MMP16: variants seen among roughly 807,000 people sequenced by gnomAD.
The protein encoded by MMP16 is matrix metallopeptidase 16.
MMP16 carries 12 observed loss-of-function variants against 67.8 expected under a neutral mutation model. That is an observed-to-expected ratio of 0.18 (90% CI 0.11 to 0.29). The LOEUF is 0.29. MMP16 is among the 10% of genes least tolerant of loss of function. The pLI is 1.00. For missense variants in MMP16, 475 were observed against 765.7 expected (o/e 0.62, Z 4.48); for synonymous variants, 249 against 255.9 (o/e 0.97, Z 0.26).
intron 6 of MMP16, among the ~76,000 whole-genome samples, chr8:88,091,573 A>T (rs1423729781): frequency 1.3e-5 from 2 of 150,694 alleles, no homozygotes; most frequent in Non-Finnish European, 2.9e-5. Flanking sequence ...ACACACACTC[A>T]CACACACACA....
intron 8 of MMP16, among the ~76,000 whole-genome samples, chr8:88,053,092 A>C (rs1808290174): frequency 6.6e-6 from 1 of 152,190 alleles, no homozygotes; most frequent in Non-Finnish European, 1.5e-5. Flanking sequence ...GAATGAAATG[A>C]GTGCTAGGGT....
intron 6 of MMP16, among the ~76,000 whole-genome samples, chr8:88,097,625 C>CAAAAAAA (rs34488162): frequency 1.5e-5 from 1 of 67,472 alleles, no homozygotes; most frequent in African/African-American, 6.0e-5. Flanking sequence ...AACCCTGTCT[C>CAAAAAAA]AAAAAAAAAA....
chr8:88,219,434 G>A (rs1051302076), intron 1 of MMP16, among the ~76,000 whole-genome samples: 3 of 152,030 alleles, frequency 2.0e-5, no homozygotes, highest in Admixed American at 1.3e-4. Flanking sequence ...AAGTTTCAGA[G>A]AGCCAAGAAA....
Position 88,074,720 on chromosome 8 carries a change from T to C in MMP16, c.1107A>G (p.Arg369=), listed in dbSNP as rs749121736. 8.7e-6 allele frequency: 14 copies of C among 1,612,924 alleles called. No homozygotes were observed. In the Admixed American group the frequency reaches 2.3e-4, roughly 27 times the overall value. The change falls in exon 7 of 10, where the codon AGA becomes AGG. Residue 369 remains arginine, a synonymous_variant. Coordinates refer to ENST00000286614, the MANE Select transcript of MMP16 (RefSeq NM_005941.5). ...GGTATCCATCCATCACCCTGTTGTT[T>C]CTCACTCGCCAAAACCACTGGTCCT... ...VFKDQWFWRV[R]NNRVMDGYPM...
chr8:88,176,770 T>C (rs1414482534), intron 3 of MMP16, among the ~76,000 whole-genome samples: 1 of 152,230 alleles, frequency 6.6e-6, no homozygotes, highest in Non-Finnish European at 1.5e-5. Context: ...TCTGTATTAC[T>C]GGCCTATTAA....
At chr8:88,154,826 C>T (rs1269503881) in intron 4 of MMP16, among the ~76,000 whole-genome samples, 1 of 148,654 alleles carries the variant, frequency 6.7e-6, no homozygotes. Context: ...ATGTAACTAA[C>T]CTGCACAATG....
At chr8:88,104,907 A>C (rs1393697558) in intron 6 of MMP16, among the ~76,000 whole-genome samples, 2 of 151,610 alleles carry the variant, frequency 1.3e-5, no homozygotes, top group African/African-American at 4.8e-5. Context: ...TTTCAATAAA[A>C]AAGCTTATAG....
intron 4 of MMP16, among the ~76,000 whole-genome samples, chr8:88,144,196 G>A (rs777760628): frequency 6.6e-6 from 1 of 151,636 alleles, no homozygotes. Flanking sequence ...TATTTCCTTC[G>A]TCACTGTCCC....
At chr8:88,109,347 A>G (rs894847640) in intron 6 of MMP16, among the ~76,000 whole-genome samples, 2 of 151,330 alleles carry the variant, frequency 1.3e-5, no homozygotes, top group Non-Finnish European at 3.0e-5. Context: ...AAATAATTAC[A>G]GCTTTCACAC....
At chr8:88,322,485 G>C (rs2130231161) in intron 1 of MMP16, among the ~76,000 whole-genome samples, 1 of 152,088 alleles carries the variant, frequency 6.6e-6, no homozygotes, top group East Asian at 1.9e-4. Context: ...TATGTCATTA[G>C]ATGCTATGGT....
At chr8:88,057,040 T>C (rs1259268568) in intron 7 of MMP16, among the ~76,000 whole-genome samples, 1 of 152,108 alleles carries the variant, frequency 6.6e-6, no homozygotes, top group Non-Finnish European at 1.5e-5. Context: ...CACTTCCCTT[T>C]CTGGTATGCC....
In MMP16 at chr8:88,084,010, G is replaced by A. The variant is rs149895331; in HGVS notation, c.1084-9267C>T. Reference sequence around the variant, plus strand: ...TCCCTACTTTTCCCCCAATGGTAACGCTTGCCTAACTACAGTACAATTTCA... The same window carrying A: ...TCCCTACTTTTCCCCCAATGGTAACACTTGCCTAACTACAGTACAATTTCA... On this transcript the variant is annotated intron_variant, in intron 6 of 9. Coordinates refer to ENST00000286614, the MANE Select transcript of MMP16 (RefSeq NM_005941.5). Among the ~76,000 whole-genome samples, 4 of 152,002 alleles carry A rather than the reference G, an allele frequency of 2.6e-5. No individual in the cohort carries two copies. The South Asian group carries it at 6.2e-4, about 24-fold the overall frequency.
At chr8:88,082,276 A>C (rs1224112124) in intron 6 of MMP16, among the ~76,000 whole-genome samples, 2 of 152,102 alleles carry the variant, frequency 1.3e-5, no homozygotes, top group Non-Finnish European at 2.9e-5. Flanking sequence ...GATTGCTTTG[A>C]TCTCACGGCT....
Position 88,063,292 on chromosome 8 carries a change from C to G in MMP16, c.1223-7014G>C, listed in dbSNP as rs992632908. On this transcript the variant is annotated intron_variant, in intron 7 of 9. Coordinates refer to ENST00000286614, the MANE Select transcript of MMP16 (RefSeq NM_005941.5). The stretch of plus-strand genomic sequence containing the variant: ...ATCCGTCTATTCTCCTATTCAATGT[C>G]TGTTTATTATGAGCCTATTATAGTC... Among the ~76,000 whole-genome samples the G allele has an allele frequency of 6.1e-4, 92 of 151,952 alleles. 1 individual carries two copies. Among genetic ancestry groups the G allele is most frequent in the African/African-American group, 2.0e-3 (81 of 41,364 alleles).
chr8:88,327,260 C>T lies in MMP16; in HGVS notation c.-54G>A. On this transcript the variant is annotated 5_prime_UTR_variant, in exon 1 of 10. Coordinates refer to ENST00000286614, the MANE Select transcript of MMP16 (RefSeq NM_005941.5). The stretch of plus-strand genomic sequence containing the variant: ...GCTCCCCTTCGTTTTCTCCCTCTCT[C>T]CCTCTCCCTCCCTCCCTCGTTTCCT... 6.2e-7 allele frequency: 1 copy of T among 1,608,144 alleles called. No individual in the cohort carries two copies. The highest frequency in any genetic ancestry group is 1.1e-5 in the South Asian group (1 of 90,864).
intron 1 of MMP16, among the ~76,000 whole-genome samples, chr8:88,225,479 G>C (rs1049606931): frequency 6.6e-6 from 1 of 151,628 alleles, no homozygotes; most frequent in African/African-American, 2.4e-5. Context: ...TTAAATAATT[G>C]TAACAATATC....
intron 6 of MMP16, among the ~76,000 whole-genome samples, chr8:88,081,914 A>G (rs1053523743): frequency 6.6e-6 from 1 of 152,028 alleles, no homozygotes; most frequent in Non-Finnish European, 1.5e-5. Flanking sequence ...TTCTTAAAAA[A>G]CAACCATATT....
chr8:88,106,792 C>A (rs1809249468), intron 6 of MMP16, among the ~76,000 whole-genome samples: 1 of 150,990 alleles, frequency 6.6e-6, no homozygotes, highest in Non-Finnish European at 1.5e-5. Context: ...GGTGTATTTT[C>A]TTTTTTTCAT....
At chr8:88,293,192 A>G (rs1314012410) in intron 1 of MMP16, among the ~76,000 whole-genome samples, 1 of 152,192 alleles carries the variant, frequency 6.6e-6, no homozygotes, top group Non-Finnish European at 1.5e-5. Flanking sequence ...GAAACTCCTA[A>G]CACTAAATAT....
Sources: allele counts gnomAD v4.1 joint callset (sites outside exome capture counted in the v4.1 genomes callset), GRCh38; gene constraint gnomAD v4.1.1; transcripts MANE v1.5; gene names NCBI Gene and HGNC (gene_info 2026-07-23, HGNC 2026-07-21).